The following ETV6 variants were observed in gnomAD, a reference collection of about 807,000 sequenced individuals.
ETV6 encodes the protein ETS variant transcription factor 6, also known as transcription factor ETV6.
ETV6 carries 16 observed loss-of-function variants against 51.1 expected under a neutral mutation model. That is an observed-to-expected ratio of 0.31 (90% CI 0.21 to 0.48). The LOEUF (loss-of-function observed/expected upper bound fraction) is 0.48, where lower values mean the gene tolerates loss of function less well. ETV6 is among the 20% of genes least tolerant of loss of function. ETV6 has a pLI of 0.99. For synonymous variants in ETV6, 240 were observed against 224.1 expected, an observed-to-expected ratio of 1.07 and a Z score of -0.64; for missense variants, 458 against 594.8, an observed-to-expected ratio of 0.77 and a Z score of 2.39.
intron 4 of ETV6, among the ~76,000 whole-genome samples, chr12:11,856,955 G>A (rs780510561): frequency 1.5e-4 from 23 of 152,354 alleles, no homozygotes; most frequent in South Asian, 4.1e-4. Context: ...CTTGGCATAG[G>A]TAAGTAGGTA....
intron 3 of ETV6, among the ~76,000 whole-genome samples, chr12:11,847,909 T>C (rs1009976811): frequency 8.5e-5 from 13 of 152,288 alleles, no homozygotes; most frequent in African/African-American, 3.1e-4. Context: ...ATAGAAGAAG[T>C]TGGCAATACG....
Position 11,892,929 on chromosome 12 carries a change from T to A in ETV6, c.*1883T>A, listed in dbSNP as rs72550771. The stretch of plus-strand genomic sequence containing the variant: ...AGCCTTGCTCTGTCCCTGCCTCTTA[T>A]CAGAGCACAGGTAGACACACGGGCA... On this transcript the variant is annotated 3_prime_UTR_variant, in exon 8 of 8. Coordinates refer to ENST00000396373, the MANE Select transcript of ETV6 (RefSeq NM_001987.5). 18 of 233,074 alleles carry A rather than the reference T, an allele frequency of 7.7e-5. No homozygotes were observed. Among genetic ancestry groups the A allele is most frequent in the African/African-American group, 3.7e-4 (17 of 45,438 alleles). 14.4% of individuals were successfully genotyped at this position (233,074 alleles called of 1,614,324 possible). A position where few individuals can be genotyped will look rare whatever the true frequency, so the allele number is the denominator to read the frequency against.
At chr12:11,747,355 T>C (rs1865927041) in intron 1 of ETV6, among the ~76,000 whole-genome samples, 1 of 152,176 alleles carries the variant, frequency 6.6e-6, no homozygotes, top group Non-Finnish European at 1.5e-5. Flanking sequence ...AAAGCCAGCT[T>C]GGGCCCCTAT....
intron 1 of ETV6, among the ~76,000 whole-genome samples, chr12:11,664,523 T>C (rs1047787954): frequency 6.6e-6 from 1 of 152,104 alleles, no homozygotes; most frequent in African/African-American, 2.4e-5. Flanking sequence ...GGGTAGTAAA[T>C]GAATGGTTCT....
At chr12:11,890,252 C>T (rs1006418106) in intron 7 of ETV6, among the ~76,000 whole-genome samples, 2 of 150,658 alleles carry the variant, frequency 1.3e-5, no homozygotes, top group African/African-American at 4.9e-5. Context: ...ATACCATTTC[C>T]TGGGCTCACA....
intron 1 of ETV6, among the ~76,000 whole-genome samples, chr12:11,735,339 G>C (rs1865683697): frequency 6.6e-6 from 1 of 152,148 alleles, no homozygotes; most frequent in African/African-American, 2.4e-5. Flanking sequence ...ACGGTTATGG[G>C]AGTTGGTCTT....
intron 1 of ETV6, among the ~76,000 whole-genome samples, chr12:11,670,252 CAAT>C (rs1473746004): frequency 1.3e-5 from 2 of 152,112 alleles, no homozygotes; most frequent in African/African-American, 4.8e-5. Flanking sequence ...CTTTTGATTA[CAAT>C]AATTTCAAAT....
intron 1 of ETV6, among the ~76,000 whole-genome samples, chr12:11,675,240 A>G (rs1864400245): frequency 6.6e-6 from 1 of 152,138 alleles, no homozygotes; most frequent in Non-Finnish European, 1.5e-5. Flanking sequence ...TTACCCAGAA[A>G]ACATTCTTTG....
intron 5 of ETV6, among the ~76,000 whole-genome samples, chr12:11,883,003 C>T (rs1180065748): frequency 6.6e-6 from 1 of 152,298 alleles, no homozygotes; most frequent in African/African-American, 2.4e-5. Flanking sequence ...GGTAAAGTGC[C>T]GAGTTCATAC....
intron 1 of ETV6, among the ~76,000 whole-genome samples, chr12:11,703,789 C>T (rs1865026305): frequency 1.3e-5 from 2 of 152,176 alleles, no homozygotes; most frequent in South Asian, 4.1e-4. Flanking sequence ...GGAGTTTGAA[C>T]CAAATAATCT....
chr12:11,693,076 G>T (rs192707962), intron 1 of ETV6, among the ~76,000 whole-genome samples: 1 of 152,226 alleles, frequency 6.6e-6, no homozygotes, highest in African/African-American at 2.4e-5. Context: ...AAATAAAATA[G>T]AATGCATTAT....
intron 2 of ETV6, among the ~76,000 whole-genome samples, chr12:11,817,666 T>C (rs1444122079): frequency 6.6e-6 from 1 of 152,178 alleles, no homozygotes; most frequent in Non-Finnish European, 1.5e-5. Context: ...CATCTTTTTT[T>C]CCCTGGCCAC....
intron 1 of ETV6, among the ~76,000 whole-genome samples, chr12:11,736,297 A>G (rs1173936884): frequency 6.6e-6 from 1 of 152,230 alleles, no homozygotes; most frequent in East Asian, 1.9e-4. Context: ...CAGTCTTAAA[A>G]AACACACACA....
intron 2 of ETV6, among the ~76,000 whole-genome samples, chr12:11,838,850 T>C (rs1477631825): frequency 6.6e-6 from 1 of 152,198 alleles, no homozygotes; most frequent in Non-Finnish European, 1.5e-5. Context: ...AAAGATCTTT[T>C]TCTCATTTTG....
chr12:11,780,912 G>A (rs182021145), intron 2 of ETV6, among the ~76,000 whole-genome samples: 10 of 152,320 alleles, frequency 6.6e-5, no homozygotes, highest in Admixed American at 1.3e-4. Context: ...GCGAAGTTAA[G>A]CAGTTCCACA....
chr12:11,698,098 G>A (rs1473815900), intron 1 of ETV6, among the ~76,000 whole-genome samples: 2 of 152,160 alleles, frequency 1.3e-5, no homozygotes, highest in Non-Finnish European at 2.9e-5. Flanking sequence ...TGGAGAATAT[G>A]TTTTTACCAC....
chr12:11,837,573 A>G (rs1946334422), intron 2 of ETV6, among the ~76,000 whole-genome samples: 1 of 152,176 alleles, frequency 6.6e-6, no homozygotes, highest in African/African-American at 2.4e-5. Context: ...GCAGCCCCAT[A>G]TAGCAAACCA....
Position 11,892,406 on chromosome 12 carries a change from A to T in ETV6, c.*1360A>T. The T allele has an allele frequency of 4.3e-6, 1 of 232,450 alleles. No individual in the cohort carries two copies. The highest frequency in any genetic ancestry group is 6.0e-5 in the East Asian group (1 of 16,546). The allele number at this position is 232,450 out of a possible 1,614,324, so 14.4% of individuals were successfully genotyped here. On this transcript the variant is annotated 3_prime_UTR_variant, in exon 8 of 8. Coordinates refer to ENST00000396373, the MANE Select transcript of ETV6 (RefSeq NM_001987.5). ...CTTTCATAGCTGTGTCTCAGAAAGG[A>T]CCCATTTGTGGCTCTTTTTCACCTC...
chr12:11,692,422 A>G (rs1334030773), intron 1 of ETV6, among the ~76,000 whole-genome samples: 2 of 152,178 alleles, frequency 1.3e-5, no homozygotes, highest in East Asian at 3.8e-4. Context: ...TATAAGCAAC[A>G]GAAGACGGAC....
Sources: allele counts gnomAD v4.1 joint callset (sites outside exome capture counted in the v4.1 genomes callset), GRCh38; gene constraint gnomAD v4.1.1; transcripts MANE v1.5; gene names NCBI Gene and HGNC (gene_info 2026-07-23, HGNC 2026-07-21).